Variants in TMEM131 observed in about 807,000 individuals in gnomAD.
TMEM131 encodes transmembrane protein 131.
A neutral mutation model predicts 211.6 loss-of-function variants in TMEM131; 66 were observed. The observed-to-expected ratio is 0.31, with a 90% CI of 0.26 to 0.38. The LOEUF is 0.38. Ranked by LOEUF, TMEM131 falls within the 10% of genes least tolerant of loss-of-function variation. The probability of loss-of-function intolerance (pLI) is 1.00; values close to 1 mark genes in which losing one functional copy is unlikely to be tolerated. For missense variants in TMEM131, 2,036 were observed against 2,299.3 expected, an observed-to-expected ratio of 0.89 and a Z score of 2.34; for synonymous variants, 844 against 841.3, an observed-to-expected ratio of 1.00 and a Z score of -0.06.
chr2:97,878,685 C>G (rs1343263526), intron 4 of TMEM131, among the ~76,000 whole-genome samples: 1 of 151,994 alleles, frequency 6.6e-6, no homozygotes, highest in Non-Finnish European at 1.5e-5. Context: ...CATCATACAC[C>G]AGGGCCTGTC....
rs1352265075 is a variant in TMEM131, at chr2:97,894,677, C to T, written c.291-6557G>A. On this transcript the variant is annotated intron_variant, in intron 3 of 40. Transcript: ENST00000186436. ...TGGGAGTTACTCATGATTTGGCTGT[C>T]TGTTATTAGCGTATAGGAACGCTTG... 2.6e-5 allele frequency among the ~76,000 whole-genome samples: 4 copies of T among 152,092 alleles called. No individual in the cohort carries two copies. In the South Asian group the frequency reaches 8.3e-4, roughly 32 times the overall value.
chr2:97,842,767 T>C (rs945854574), intron 6 of TMEM131, among the ~76,000 whole-genome samples: 5 of 152,226 alleles, frequency 3.3e-5, no homozygotes, highest in South Asian at 2.1e-4. Flanking sequence ...ATAGTCCAGA[T>C]TGGCTGCCAT....
intron 40 of TMEM131, among the ~76,000 whole-genome samples, 181 bp from the exon 41 acceptor site, chr2:97,757,564 C>T: frequency 6.6e-6 from 1 of 152,206 alleles, no homozygotes; most frequent in East Asian, 1.9e-4. Context: ...GAGACAGGGT[C>T]TTGCTCCATC....
chr2:97,994,860 G>A (rs1680421337), intron 1 of TMEM131, among the ~76,000 whole-genome samples: 1 of 152,134 alleles, frequency 6.6e-6, no homozygotes. Context: ...TATTTTTAAA[G>A]GCTTTCACAT....
At chr2:97,995,403 G>A (rs933735252) in intron 1 of TMEM131, 73 bp downstream of exon 1, 22 of 1,268,050 alleles carry the variant, frequency 1.7e-5, no homozygotes, top group African/African-American at 1.3e-4. Flanking sequence ...CCTTCCTCCC[G>A]GCCCAGCCCT....
intron 5 of TMEM131, among the ~76,000 whole-genome samples, chr2:97,854,903 T>C (rs1489441119): frequency 6.6e-6 from 1 of 152,210 alleles, no homozygotes; most frequent in African/African-American, 2.4e-5. Context: ...CTGACCACCC[T>C]ATTTAAAATG....
chr2:97,924,067 G>C (rs1030762468), intron 2 of TMEM131, among the ~76,000 whole-genome samples: 8 of 149,490 alleles, frequency 5.4e-5, no homozygotes, highest in Non-Finnish European at 1.0e-4. Context: ...GTGACAGAGC[G>C]AGACCCCATC....
chr2:97,975,923 T>C (rs1679512669), intron 1 of TMEM131, among the ~76,000 whole-genome samples: 1 of 151,796 alleles, frequency 6.6e-6, no homozygotes, highest in Non-Finnish European at 1.5e-5. Flanking sequence ...ATACCTATCA[T>C]GACCAAGAAA....
At chr2:97,939,233 T>A (rs770123668) in intron 1 of TMEM131, among the ~76,000 whole-genome samples, 32 of 151,988 alleles carry the variant, frequency 2.1e-4, no homozygotes, top group Non-Finnish European at 4.4e-4. Context: ...AATCAATGAA[T>A]CCAGGAGCTG....
At chr2:97,785,533 G>A (rs1680207479) in intron 31 of TMEM131, among the ~76,000 whole-genome samples, 1 of 152,218 alleles carries the variant, frequency 6.6e-6, no homozygotes, top group African/African-American at 2.4e-5. Context: ...TGCTGAGGAT[G>A]TGGAGAACCT....
intron 25 of TMEM131, 139 bp downstream of exon 25, chr2:97,801,753 AAAT>A: frequency 4.0e-6 from 2 of 499,556 alleles, no homozygotes; most frequent in Non-Finnish European, 6.9e-6. Flanking sequence ...TTTGCCTCTG[AAAT>A]AATTACTGGA....
intron 2 of TMEM131, among the ~76,000 whole-genome samples, chr2:97,923,627 TTAAAAAAA>T (rs1415463792): frequency 1.1e-4 from 11 of 99,688 alleles, no homozygotes; most frequent in Admixed American, 2.0e-4. Flanking sequence ...GTCTTTTTTT[TTAAAAAAA>T]AAAAAAAAAA....
In TMEM131 at chr2:97,834,777, G is replaced by C; in HGVS notation, c.953C>G (p.Thr318Arg). 6.2e-7 allele frequency: 1 copy of C among 1,613,388 alleles called. No homozygotes were observed. Among genetic ancestry groups the C allele is most frequent in the Non-Finnish European group, 8.5e-7 (1 of 1,179,652 alleles). The stretch of plus-strand genomic sequence containing the variant: ...GATTTCATCAGTTTTCCACTAACCT[G>C]TTGTAACTTCAACCTCAACAGGAAG... ...IILPVEVEVTTAPGIYSSTEM... is the reference protein window; with the variant it reads ...IILPVEVEVTRAPGIYSSTEM... The change falls in exon 9 of 41, where the codon ACA becomes AGA. Residue 318 changes from threonine to arginine, a missense_variant and splice_region_variant. By Grantham distance (71) the Thr-to-Arg change is moderately conservative. Coordinates refer to ENST00000186436, the MANE Select transcript of TMEM131 (RefSeq NM_015348.2).
At chr2:97,954,142 T>C (rs1438649790) in intron 1 of TMEM131, among the ~76,000 whole-genome samples, 2 of 152,008 alleles carry the variant, frequency 1.3e-5, no homozygotes, top group Non-Finnish European at 2.9e-5. Context: ...TCAAAGCAAG[T>C]AGAATGAAAA....
chr2:97,913,427 C>A (rs1242060609), intron 2 of TMEM131, among the ~76,000 whole-genome samples: 3 of 152,112 alleles, frequency 2.0e-5, no homozygotes, highest in Non-Finnish European at 4.4e-5. Flanking sequence ...GAGATAAATA[C>A]AGAATTCATT....
chr2:97,851,776 C>T (rs1008901594), intron 5 of TMEM131, among the ~76,000 whole-genome samples: 1 of 152,186 alleles, frequency 6.6e-6, no homozygotes, highest in Admixed American at 6.5e-5. Context: ...TCTCATTGCT[C>T]CACCAACTGC....
At chr2:97,914,974 T>C (rs1388645588) in intron 2 of TMEM131, among the ~76,000 whole-genome samples, 2 of 152,254 alleles carry the variant, frequency 1.3e-5, no homozygotes, top group African/African-American at 4.8e-5. Context: ...CCAGAGTAGC[T>C]GTATCACTCA....
intron 1 of TMEM131, among the ~76,000 whole-genome samples, chr2:97,955,769 C>T (rs955597541): frequency 2.0e-5 from 3 of 151,990 alleles, no homozygotes; most frequent in South Asian, 2.1e-4. Flanking sequence ...AAGTGAAATA[C>T]TTGCAATCAC....
chr2:97,960,741 C>T (rs1678777920), intron 1 of TMEM131, among the ~76,000 whole-genome samples: 1 of 152,010 alleles, frequency 6.6e-6, no homozygotes, highest in Non-Finnish European at 1.5e-5. Context: ...AAAACTAAAA[C>T]CAACAGACTT....
Sources: allele counts gnomAD v4.1 joint callset (sites outside exome capture counted in the v4.1 genomes callset), GRCh38; gene constraint gnomAD v4.1.1; transcripts MANE v1.5; gene names NCBI Gene and HGNC (gene_info 2026-07-23, HGNC 2026-07-21).